TUBA1C: variants seen among roughly 807,000 people sequenced by gnomAD.
The protein encoded by TUBA1C is tubulin alpha-1C chain.
In TUBA1C, 16 loss-of-function variants were observed where a neutral mutation model predicts 34.9. That is an observed-to-expected ratio of 0.46 (90% CI 0.31 to 0.70). The LOEUF (loss-of-function observed/expected upper bound fraction) is 0.70. TUBA1C is among the 30% of genes least tolerant of loss of function. The probability of loss-of-function intolerance (pLI) is 0.05; values close to 1 mark genes in which losing one functional copy is unlikely to be tolerated. For synonymous variants in TUBA1C, 177 were observed against 215.9 expected, an observed-to-expected ratio of 0.82 and a Z score of 1.58; for missense variants, 329 against 587.3, an observed-to-expected ratio of 0.56 and a Z score of 4.55.
At chr12:49,254,019 G>C (rs1184470386) in intron 1 of TUBA1C, among the ~76,000 whole-genome samples, 1 of 152,124 alleles carries the variant, frequency 6.6e-6, no homozygotes, top group Non-Finnish European at 1.5e-5. Flanking sequence ...CAGGATAAAA[G>C]CAGGAAGGGG....
intron 1 of TUBA1C, among the ~76,000 whole-genome samples, chr12:49,268,526 A>T (rs1343774590): frequency 6.6e-6 from 1 of 151,988 alleles, no homozygotes; most frequent in Non-Finnish European, 1.5e-5. Context: ...TACAGGTGTG[A>T]GCCAGAAACA....
rs1942960679 is a variant in TUBA1C, at chr12:49,269,553, A to G, written c.92A>G (p.Gln31Arg). Residue 31 changes from glutamine to arginine, a missense_variant, in exon 2 of 4, where the codon CAG becomes CGG. Coordinates refer to ENST00000301072, the MANE Select transcript of TUBA1C (RefSeq NM_032704.5). Reference protein sequence around the residue: ...WELYCLEHGIQPDGQMPSDKT... With the variant: ...WELYCLEHGIRPDGQMPSDKT... ...CTCTACTGCCTGGAACACGGCATCC[A>G]GCCCGATGGCCAGATGCCAAGTGAC... The G allele has an allele frequency of 3.7e-6, 6 of 1,614,096 alleles. No individual in the cohort carries two copies. Among genetic ancestry groups the G allele is most frequent in the African/African-American group, 1.3e-5 (1 of 74,942 alleles).
upstream of TUBA1C, among the ~76,000 whole-genome samples, chr12:49,260,555 G>A (rs1232066631): frequency 6.6e-6 from 1 of 152,056 alleles, no homozygotes; most frequent in East Asian, 1.9e-4. Context: ...GAATTTGTAG[G>A]AACTTTTAAA....
At chr12:49,230,933 G>A (rs1180593667) in intron 1 of TUBA1C, among the ~76,000 whole-genome samples, 7 of 152,292 alleles carry the variant, frequency 4.6e-5, no homozygotes, top group Admixed American at 2.0e-4. Flanking sequence ...TAATACTTAA[G>A]TCTGTGGGGT....
chr12:49,273,311 TAA>T lies in TUBA1C; in HGVS notation c.*87_*88del. 6.2e-7 allele frequency: 1 copy of T among 1,609,508 alleles called. No individual in the cohort carries two copies. Among genetic ancestry groups the T allele is most frequent in the Non-Finnish European group, 8.5e-7 (1 of 1,176,726 alleles). On this transcript the variant is annotated 3_prime_UTR_variant, in exon 4 of 4. Transcript: ENST00000301072. Reference sequence around the variant, plus strand: ...AATGTCTATTGCCGTAAATTGTTAATAAAATTGAAGTTTCCATTTTAAATGTC... The same window carrying T: ...AATGTCTATTGCCGTAAATTGTTAATAATTGAAGTTTCCATTTTAAATGTC...
rs1942787110 is a variant in TUBA1C at position 49,256,636 on chromosome 12, T to G, written c.214-12829T>G. 2.1e-5 allele frequency: 5 copies of G among 237,474 alleles called. No homozygotes were observed. In the South Asian group the frequency reaches 2.3e-4, roughly 11 times the overall value. 14.7% of individuals were successfully genotyped at this position (237,474 alleles called of 1,614,324 possible). A position where few individuals can be genotyped will look rare whatever the true frequency, so the allele number is the denominator to read the frequency against. On this transcript the variant is annotated intron_variant, in intron 1 of 3. Transcript: ENST00000541364. ...AAAGGGCTTATATTCCTGACTCCAT[T>G]GGAACAAAATATGCTGGAGGGTAAG...
chr12:49,254,750 G>A (rs1161233190), intron 1 of TUBA1C, among the ~76,000 whole-genome samples: 1 of 151,958 alleles, frequency 6.6e-6, no homozygotes, highest in Non-Finnish European at 1.5e-5. Flanking sequence ...CCCCTCCCTG[G>A]AGGATGGGGG....
intron 1 of TUBA1C, among the ~76,000 whole-genome samples, chr12:49,246,400 C>A (rs912949425): frequency 1.3e-5 from 2 of 151,550 alleles, no homozygotes; most frequent in Admixed American, 6.6e-5. Flanking sequence ...CTGAACTTGG[C>A]CGGGCGCGGT....
chr12:49,271,979 T>C (rs1942997353), intron 3 of TUBA1C, among the ~76,000 whole-genome samples: 1 of 152,048 alleles, frequency 6.6e-6, no homozygotes, highest in Admixed American at 6.6e-5. Context: ...AGCTTTTTTT[T>C]TTTTTTGGAG....
intron 1 of TUBA1C, among the ~76,000 whole-genome samples, chr12:49,241,499 G>T (rs941159327): frequency 6.6e-6 from 1 of 152,148 alleles, no homozygotes; most frequent in Non-Finnish European, 1.5e-5. Context: ...GGTAAGATGG[G>T]GTGATTATGA....
intron 1 of TUBA1C, among the ~76,000 whole-genome samples, chr12:49,246,664 T>G (rs1827845019): frequency 6.7e-6 from 1 of 149,800 alleles, no homozygotes; most frequent in Non-Finnish European, 1.5e-5. Context: ...GAAGAGCCCG[T>G]CTCAAAAAAA....
chr12:49,247,349 G>A (rs1344350521), intron 1 of TUBA1C, among the ~76,000 whole-genome samples: 1 of 150,078 alleles, frequency 6.7e-6, no homozygotes, highest in East Asian at 1.9e-4. Flanking sequence ...CTGAGGTCAG[G>A]AGTTCAAGAC....
At chr12:49,250,523 CAA>C (rs562107706) in intron 1 of TUBA1C, among the ~76,000 whole-genome samples, 16 of 54,902 alleles carry the variant, frequency 2.9e-4, no homozygotes, top group Non-Finnish European at 4.0e-4. Flanking sequence ...GACTCCGTCT[CAA>C]AAAAAAAAAA....
chr12:49,234,656 C>T (rs1001028944), intron 1 of TUBA1C, among the ~76,000 whole-genome samples: 37 of 152,166 alleles, frequency 2.4e-4, no homozygotes, highest in Non-Finnish European at 4.7e-4. Flanking sequence ...CCACGAAGGC[C>T]ACTTCCGCCG....
rs1374441621 is a variant in TUBA1C at position 49,274,168 on chromosome 12, C to T, written c.*941C>T. 2 of 152,182 alleles carry T rather than the reference C, an allele frequency of 1.3e-5. No homozygotes were observed. The highest frequency in any genetic ancestry group is 2.9e-5 in the Non-Finnish European group (2 of 68,128). 9.4% of individuals were successfully genotyped at this position (152,182 alleles called of 1,614,324 possible). A position where few individuals can be genotyped will look rare whatever the true frequency, so the allele number is the denominator to read the frequency against. On this transcript the variant is annotated 3_prime_UTR_variant, in exon 4 of 4. Coordinates refer to ENST00000301072, the MANE Select transcript of TUBA1C (RefSeq NM_032704.5). ...ATGGTCTCTTTCCCAGGCTGCAGTGCAATGGCACCATCATAGCTCACCCCC... is the reference window on the plus strand; with the variant it reads ...ATGGTCTCTTTCCCAGGCTGCAGTGTAATGGCACCATCATAGCTCACCCCC...
chr12:49,269,540 G>T lies in TUBA1C; in HGVS notation c.79G>T (p.Glu27Ter). ...TGCCTGCTGGGAGCTCTACTGCCTG[G>T]AACACGGCATCCAGCCCGATGGCCA... Reference protein sequence around the residue: ...GNACWELYCLEHGIQPDGQMP... With the variant: ...GNACWELYCL Residue 27 changes from glutamate to a stop codon, truncating the protein, a stop_gained, in exon 2 of 4, where the codon GAA (glutamate) becomes TAA (stop). Coordinates refer to ENST00000301072, the MANE Select transcript of TUBA1C (RefSeq NM_032704.5). LOFTEE classifies it high-confidence loss of function. 6.2e-7 allele frequency: 1 copy of T among 1,614,224 alleles called. No individual in the cohort carries two copies. Among genetic ancestry groups the T allele is most frequent in the Non-Finnish European group, 8.5e-7 (1 of 1,180,048 alleles).
chr12:49,237,735 G>A (rs1279632110), intron 1 of TUBA1C, among the ~76,000 whole-genome samples: 1 of 138,714 alleles, frequency 7.2e-6, no homozygotes, highest in African/African-American at 2.7e-5. Context: ...CAGAGACCCT[G>A]TCAAAAAAAA....
chr12:49,256,541 G>A (rs955017070), intron 1 of TUBA1C: 1 of 401,934 alleles, frequency 2.5e-6, no homozygotes, highest in African/African-American at 2.1e-5. Context: ...GACCAAAACA[G>A]AGAACTATGT....
Position 49,274,193 on chromosome 12 carries a change from C to G in TUBA1C, c.*966C>G, listed in dbSNP as rs1219978213. The G allele has an allele frequency of 6.6e-6, 1 of 152,136 alleles. No homozygotes were observed. Among genetic ancestry groups the G allele is most frequent in the Non-Finnish European group, 1.5e-5 (1 of 68,136 alleles). 9.4% of individuals were successfully genotyped at this position (152,136 alleles called of 1,614,324 possible). A position where few individuals can be genotyped will look rare whatever the true frequency, so the allele number is the denominator to read the frequency against. ...CAATGGCACCATCATAGCTCACCCC[C>G]ACCTTGACCTGGGCTAAGCCATCCT... On this transcript the variant is annotated 3_prime_UTR_variant, in exon 4 of 4. Coordinates refer to ENST00000301072, the MANE Select transcript of TUBA1C (RefSeq NM_032704.5).
Sources: gnomAD v4.1 joint callset for allele counts (sites outside exome capture counted in the v4.1 genomes callset) on GRCh38, gnomAD v4.1.1 for gene constraint, MANE v1.5 for transcripts, NCBI Gene and HGNC (gene_info 2026-07-23, HGNC 2026-07-21) for gene names.